PRIM1: variants seen among roughly 807,000 people sequenced by gnomAD.
The protein encoded by PRIM1 is DNA primase subunit 1, also known as DNA primase small subunit.
In PRIM1, 38 loss-of-function variants were observed where a neutral mutation model predicts 60.2. The observed-to-expected ratio is 0.63, with a 90% CI of 0.49 to 0.83. PRIM1 has a LOEUF of 0.83. Ranked by LOEUF, PRIM1 falls within the 40% of genes least tolerant of loss-of-function variation. PRIM1 has a pLI of 0.00. For missense variants in PRIM1, 388 were observed against 506.2 expected (o/e 0.77, Z 2.24); for synonymous variants, 158 against 160.2 (o/e 0.99, Z 0.10).
intron 12 of PRIM1, among the ~76,000 whole-genome samples, chr12:56,733,644 C>T (rs986067989): frequency 3.3e-5 from 5 of 149,380 alleles, no homozygotes; most frequent in African/African-American, 7.4e-5. Flanking sequence ...GGCTGGAGTG[C>T]GATGGTGTGA....
At chr12:56,731,935 G>A (rs1251082933) in intron 12 of PRIM1, among the ~76,000 whole-genome samples, 2 of 152,204 alleles carry the variant, frequency 1.3e-5, no homozygotes, top group Non-Finnish European at 2.9e-5. Flanking sequence ...ACGGCCAGTT[G>A]CAATGGCAGC....
chr12:56,736,637 G>A (rs139934452), intron 11 of PRIM1, among the ~76,000 whole-genome samples: 1,954 of 151,924 alleles, frequency 0.013, 44 homozygotes, highest in African/African-American at 0.046. Flanking sequence ...CTGAATAGCT[G>A]GGACTACAGG....
chr12:56,743,156 G>C, intron 6 of PRIM1, 60 bp from the exon 7 acceptor site: 1 of 1,417,980 alleles, frequency 7.1e-7, no homozygotes, highest in Non-Finnish European at 9.2e-7. Flanking sequence ...ATGCCACATA[G>C]GTATTGCTGC....
intron 2 of PRIM1, among the ~76,000 whole-genome samples, chr12:56,749,288 T>G (rs1344119884): frequency 1.3e-5 from 2 of 152,112 alleles, no homozygotes; most frequent in African/African-American, 2.4e-5. Flanking sequence ...GAGTTACAGG[T>G]GTGAACCACC....
intron 2 of PRIM1, among the ~76,000 whole-genome samples, chr12:56,749,931 C>T (rs372195085): frequency 4.6e-5 from 7 of 152,296 alleles, no homozygotes; most frequent in African/African-American, 1.7e-4. Flanking sequence ...TTGCCAGGCA[C>T]TCTTCTAGGG....
intron 12 of PRIM1, among the ~76,000 whole-genome samples, chr12:56,733,641 G>A (rs1024054862): frequency 2.0e-4 from 30 of 150,176 alleles, no homozygotes; most frequent in Admixed American, 8.7e-4. Flanking sequence ...CCAGGCTGGA[G>A]TGCGATGGTG....
intron 12 of PRIM1, among the ~76,000 whole-genome samples, chr12:56,732,151 G>A (rs1236971625): frequency 6.6e-6 from 1 of 152,038 alleles, no homozygotes; most frequent in Non-Finnish European, 1.5e-5. Context: ...TATTCAATCT[G>A]CTGATTTTTT....
intron 1 of PRIM1, chr12:56,751,418 G>C (rs1042785131): frequency 7.5e-5 from 25 of 334,712 alleles, no homozygotes; most frequent in African/African-American, 5.1e-4. Context: ...GCTGTAGCTG[G>C]GACTACAGGC....
At chr12:56,735,844 T>A in intron 11 of PRIM1, among the ~76,000 whole-genome samples, 1 of 148,410 alleles carries the variant, frequency 6.7e-6, no homozygotes, top group African/African-American at 2.5e-5. Context: ...AAAGATGGGG[T>A]TTCGCCATGT....
At chr12:56,738,709 G>A (rs1953851613) in intron 10 of PRIM1, among the ~76,000 whole-genome samples, 184 bp from the exon 11 acceptor site, 1 of 152,124 alleles carries the variant, frequency 6.6e-6, no homozygotes. Context: ...ATGCCACCAA[G>A]CGCAGCTAAT....
intron 11 of PRIM1, among the ~76,000 whole-genome samples, chr12:56,735,191 C>T (rs370033959): frequency 1.5e-4 from 22 of 151,672 alleles, no homozygotes; most frequent in African/African-American, 5.1e-4. Context: ...CTCCGCCTCC[C>T]GAGTTCAAGC....
intron 10 of PRIM1, 26 bp from the exon 11 acceptor site, chr12:56,738,551 T>G (rs892500045): frequency 5.8e-6 from 9 of 1,544,630 alleles, no homozygotes; most frequent in Non-Finnish European, 7.9e-6. Context: ...CAAGAGAATT[T>G]TGTTTTTGTT....
intron 12 of PRIM1, 67 bp from the exon 13 acceptor site, chr12:56,731,801 C>T (rs1953787264): frequency 7.6e-7 from 1 of 1,323,260 alleles, no homozygotes; most frequent in Admixed American, 2.7e-5. Context: ...TTTACTTTTA[C>T]ATTCTTTTTT....
chr12:56,747,393 A>C (rs79709506), intron 2 of PRIM1, among the ~76,000 whole-genome samples: 6 of 139,714 alleles, frequency 4.3e-5, no homozygotes, highest in Non-Finnish European at 9.5e-5. Context: ...GTATTTAAAA[A>C]TTTTTCAATA....
At chr12:56,743,942 T>C in intron 6 of PRIM1, 123 bp downstream of exon 6, 1 of 670,864 alleles carries the variant, frequency 1.5e-6, no homozygotes, top group Non-Finnish European at 2.5e-6. Flanking sequence ...AGGCACTCAA[T>C]TAACCATAGC....
intron 10 of PRIM1, among the ~76,000 whole-genome samples, 194 bp downstream of exon 10, chr12:56,739,100 T>C (rs776100568): frequency 1.1e-4 from 16 of 152,238 alleles, no homozygotes; most frequent in Non-Finnish European, 5.9e-5. Context: ...TAAAATCTTT[T>C]TCTTACATAA....
At chr12:56,733,452 C>T (rs940882779) in intron 12 of PRIM1, among the ~76,000 whole-genome samples, 12 of 149,166 alleles carry the variant, frequency 8.0e-5, no homozygotes, top group Non-Finnish European at 1.5e-4. Flanking sequence ...AGCCACTGCA[C>T]CCGGCTAGGG....
rs188132916 is a variant in PRIM1, at chr12:56,733,316, C to A, written c.1243+831G>T. Among the ~76,000 whole-genome samples the A allele has an allele frequency of 8.6e-3, 1,305 of 151,878 alleles. 6 individuals are homozygous for A. Among genetic ancestry groups the A allele is most frequent in the Non-Finnish European group, 0.014 (967 of 67,968 alleles). ...GGGATTACAGGCTCCCACCACCACA[C>A]CCAGCTAATTTTTTGTATTTTTAGT... is the stretch of plus-strand genomic sequence containing the variant. On this transcript the variant is annotated intron_variant, in intron 12 of 12. Coordinates refer to ENST00000338193, the MANE Select transcript of PRIM1 (RefSeq NM_000946.3).
chr12:56,734,384 T>C (rs761243049), intron 11 of PRIM1, 139 bp from the exon 12 acceptor site: 2 of 546,318 alleles, frequency 3.7e-6, no homozygotes, highest in African/African-American at 3.8e-5. Context: ...TTAAATACTA[T>C]ATTAGTCACA....
Sources: gnomAD v4.1 joint callset for allele counts (sites outside exome capture counted in the v4.1 genomes callset) on GRCh38, gnomAD v4.1.1 for gene constraint, MANE v1.5 for transcripts, NCBI Gene and HGNC (gene_info 2026-07-23, HGNC 2026-07-21) for gene names.